Variants in MVB12B observed in about 807,000 individuals in gnomAD.
The protein encoded by MVB12B is multivesicular body subunit 12B, also known as ESCRT-I complex subunit MVB12B.
MVB12B carries 16 observed loss-of-function variants against 41.6 expected under a neutral mutation model. The observed-to-expected ratio is 0.38, with a 90% CI of 0.26 to 0.58. The LOEUF (loss-of-function observed/expected upper bound fraction) is 0.58. Ranked by LOEUF, MVB12B falls within the 20% of genes least tolerant of loss-of-function variation. The probability of loss-of-function intolerance (pLI) is 0.62; values close to 1 mark genes in which losing one functional copy is unlikely to be tolerated. For synonymous variants in MVB12B, 133 were observed against 139.7 expected, an observed-to-expected ratio of 0.95 and a Z score of 0.34; for missense variants, 274 against 380.2, an observed-to-expected ratio of 0.72 and a Z score of 2.32.
intron 3 of MVB12B, among the ~76,000 whole-genome samples, chr9:126,382,983 C>T (rs913397790): frequency 2.0e-5 from 3 of 152,158 alleles, no homozygotes; most frequent in Admixed American, 6.5e-5. Context: ...AAAGCCTCTG[C>T]CTCACTTTTG....
At chr9:126,407,003 C>G (rs951726476) in intron 6 of MVB12B, among the ~76,000 whole-genome samples, 4 of 152,194 alleles carry the variant, frequency 2.6e-5, no homozygotes, top group Non-Finnish European at 4.4e-5. Context: ...ATTAAGCATT[C>G]ATCCTGAAAT....
At chr9:126,407,738 A>AGACC (rs1301573243) in intron 6 of MVB12B, among the ~76,000 whole-genome samples, 1 of 152,198 alleles carries the variant, frequency 6.6e-6, no homozygotes, top group Admixed American at 6.5e-5. Context: ...TTATTACCAA[A>AGACC]GACCGTGTTG....
intron 7 of MVB12B, among the ~76,000 whole-genome samples, chr9:126,450,930 A>G (rs1832876514): frequency 6.6e-6 from 1 of 152,198 alleles, no homozygotes; most frequent in Non-Finnish European, 1.5e-5. Context: ...GCAGGTGCAG[A>G]CCAGCTGTGC....
Position 126,503,053 on chromosome 9 carries a change from G to A in MVB12B, c.874-124G>A, listed in dbSNP as rs527657268. On this transcript the variant is annotated intron_variant, in intron 9 of 9. Coordinates refer to ENST00000361171, the MANE Select transcript of MVB12B (RefSeq NM_033446.3). ...GGCTGGCACCGGCCTGGCCAGCTGC[G>A]CCATGTCAAGATGCCCCACGAGGCG... 143 of 849,460 alleles carry A rather than the reference G, an allele frequency of 1.7e-4. 2 individuals carry two copies. Among genetic ancestry groups the A allele is most frequent in the South Asian group, 1.6e-3 (111 of 68,218 alleles). The allele number at this position is 849,460 out of a possible 1,614,324, so 52.6% of individuals were successfully genotyped here.
Position 126,389,106 on chromosome 9 carries a change from C to T in MVB12B, c.409+2448C>T, listed in dbSNP as rs539868766. Among the ~76,000 whole-genome samples the T allele has an allele frequency of 2.0e-5, 3 of 152,338 alleles. No individual in the cohort carries two copies. The highest frequency in any genetic ancestry group is 3.9e-4 in the East Asian group (2 of 5,190). ...GGGGTCCTGGTTGGGAAGTTTCTCC[C>T]TTGTGACTGGGAGTACACAGGTTGC... On this transcript the variant is annotated intron_variant, in intron 4 of 9. Coordinates refer to ENST00000361171, the MANE Select transcript of MVB12B (RefSeq NM_033446.3). This position sits in a 1 kb window ranked among gnomAD's most constrained non-coding sequence, Gnocchi z 4.4.
intron 7 of MVB12B, among the ~76,000 whole-genome samples, chr9:126,434,634 G>A (rs899730578): frequency 1.3e-5 from 2 of 152,226 alleles, no homozygotes; most frequent in Non-Finnish European, 1.5e-5. Flanking sequence ...TATGCCCTGT[G>A]TAGCAAAACG....
At chr9:126,450,509 C>G (rs1209349450) in intron 7 of MVB12B, among the ~76,000 whole-genome samples, 2 of 152,314 alleles carry the variant, frequency 1.3e-5, no homozygotes, top group Middle Eastern at 3.4e-3. Flanking sequence ...CGGCCCTGCT[C>G]CATCCCCATG....
chr9:126,384,733 A>G (rs938014808), intron 3 of MVB12B, among the ~76,000 whole-genome samples: 1 of 151,156 alleles, frequency 6.6e-6, no homozygotes, highest in Non-Finnish European at 1.5e-5. Context: ...GGGTTTCACC[A>G]TGTTGCCCAG....
chr9:126,505,719 C>T lies in MVB12B; in HGVS notation c.*2456C>T, dbSNP rs1834055766. Reference sequence around the variant, plus strand: ...GCACGCACATGCGTGTGTATAAGCCCACCTGAGTGGGGCTCGTGCAGGAGA... The same window carrying T: ...GCACGCACATGCGTGTGTATAAGCCTACCTGAGTGGGGCTCGTGCAGGAGA... On this transcript the variant is annotated 3_prime_UTR_variant, in exon 10 of 10. Coordinates refer to ENST00000361171, the MANE Select transcript of MVB12B (RefSeq NM_033446.3). The T allele has an allele frequency of 6.6e-6, 1 of 152,046 alleles. No individual in the cohort carries two copies. The highest frequency in any genetic ancestry group is 1.5e-5 in the Non-Finnish European group (1 of 68,028). The allele number at this position is 152,046 out of a possible 1,614,324, so 9.4% of individuals were successfully genotyped here. A position where few individuals can be genotyped will look rare whatever the true frequency, so the allele number is the denominator to read the frequency against.
At chr9:126,362,118 G>A (rs1365085543) in intron 2 of MVB12B, among the ~76,000 whole-genome samples, 1 of 151,976 alleles carries the variant, frequency 6.6e-6, no homozygotes, top group Non-Finnish European at 1.5e-5. Context: ...TCTGCTCAAG[G>A]CTCATTGATC....
chr9:126,452,424 G>A (rs1306162194), intron 7 of MVB12B, among the ~76,000 whole-genome samples: 4 of 152,318 alleles, frequency 2.6e-5, no homozygotes, highest in East Asian at 1.9e-4. Context: ...CAGACCCTGC[G>A]GGCCCACGGG....
chr9:126,476,268 G>A (rs12342056), intron 7 of MVB12B, among the ~76,000 whole-genome samples: 4,104 of 152,342 alleles, frequency 0.027, 186 homozygotes, highest in African/African-American at 0.094. Context: ...CCTCACCCAG[G>A]CACCTCAATG....
intron 7 of MVB12B, among the ~76,000 whole-genome samples, chr9:126,424,159 CAG>C (rs1455964221): frequency 6.6e-6 from 1 of 152,160 alleles, no homozygotes; most frequent in Non-Finnish European, 1.5e-5. Context: ...GGTTTCAAAA[CAG>C]TGTAATTAGA....
chr9:126,489,366 C>G (rs1004951319), intron 9 of MVB12B, among the ~76,000 whole-genome samples: 2 of 152,206 alleles, frequency 1.3e-5, no homozygotes, highest in Non-Finnish European at 2.9e-5. Context: ...GCGCGGCAGT[C>G]AGGGCACCTG....
intron 2 of MVB12B, among the ~76,000 whole-genome samples, chr9:126,373,473 C>T (rs1351545759): frequency 1.3e-5 from 2 of 152,370 alleles, no homozygotes; most frequent in East Asian, 3.9e-4. Context: ...TTCATCGTGT[C>T]AGCCAGATAT....
chr9:126,357,470 G>A (rs182801397), intron 2 of MVB12B, among the ~76,000 whole-genome samples: 170 of 152,298 alleles, frequency 1.1e-3, no homozygotes, highest in Non-Finnish European at 1.9e-3. Context: ...CCCAGCAGCC[G>A]AGCATCTGAG....
rs1462811525 is a variant in MVB12B, at chr9:126,391,020, A to T, written c.410-1046A>T. 2.0e-5 allele frequency among the ~76,000 whole-genome samples: 3 copies of T among 152,226 alleles called. No individual in the cohort carries two copies. The East Asian group carries it at 5.8e-4, about 29-fold the overall frequency. ...AAATCACCATTGTGAACCTTTAATA[A>T]AACATGGATCTTAGCAACAGTCATC... On this transcript the variant is annotated intron_variant, in intron 4 of 9. Coordinates refer to ENST00000361171, the MANE Select transcript of MVB12B (RefSeq NM_033446.3). The surrounding 1 kb of genome is among the most constrained non-coding windows in gnomAD (Gnocchi z 4.4).
intron 9 of MVB12B, among the ~76,000 whole-genome samples, chr9:126,485,907 C>A (rs1833610587): frequency 6.6e-6 from 1 of 152,056 alleles, no homozygotes. Context: ...AGTCACACGC[C>A]ACAGCCAGCT....
In MVB12B at chr9:126,482,541, C is replaced by T. The variant is rs7029061; in HGVS notation, c.813+1117C>T. Among the ~76,000 whole-genome samples, 777 of 152,374 alleles carry T rather than the reference C, an allele frequency of 5.1e-3. 12 individuals are homozygous for T. The highest frequency in any genetic ancestry group is 0.018 in the African/African-American group (749 of 41,596). On this transcript the variant is annotated intron_variant, in intron 8 of 9. Coordinates refer to ENST00000361171, the MANE Select transcript of MVB12B (RefSeq NM_033446.3). Reference sequence around the variant, plus strand: ...CATGGCGACGCTGGCGCCTCTGCCGCCGTTCCCTGGGAGAGGCAGCTCTGT... The same window carrying T: ...CATGGCGACGCTGGCGCCTCTGCCGTCGTTCCCTGGGAGAGGCAGCTCTGT...
Sources: allele counts gnomAD v4.1 joint callset (sites outside exome capture counted in the v4.1 genomes callset), GRCh38; gene constraint gnomAD v4.1.1; non-coding constraint Gnocchi (gnomAD v3.1); transcripts MANE v1.5; gene names NCBI Gene and HGNC (gene_info 2026-07-23, HGNC 2026-07-21).